The following PDCD1LG2 variants were observed in gnomAD, a reference collection of about 807,000 sequenced individuals.
PDCD1LG2 encodes B7 dendritic cell molecule.
Under a neutral mutation model 28.2 loss-of-function variants are expected in PDCD1LG2, and 32 were observed. That is an observed-to-expected ratio of 1.13 (90% CI 0.86 to 1.52). The LOEUF (loss-of-function observed/expected upper bound fraction) is 1.52. Ranked by LOEUF, PDCD1LG2 falls within the 40% of genes most tolerant of loss-of-function variation. PDCD1LG2 has a pLI of 0.00. For synonymous variants in PDCD1LG2, 116 were observed against 120.2 expected, an observed-to-expected ratio of 0.97 and a Z score of 0.23; for missense variants, 385 against 323.8, an observed-to-expected ratio of 1.19 and a Z score of -1.45.
intron 1 of PDCD1LG2, 69 bp downstream of exon 1, chr9:5,510,872 G>C (rs761119408): frequency 5.2e-5 from 8 of 152,594 alleles, no homozygotes; most frequent in Non-Finnish European, 7.3e-5. Flanking sequence ...CTGCCAGGGT[G>C]GGGGAAGGGT....
intron 1 of PDCD1LG2, among the ~76,000 whole-genome samples, chr9:5,521,827 G>A (rs1053158946): frequency 6.6e-6 from 1 of 152,170 alleles, no homozygotes; most frequent in Non-Finnish European, 1.5e-5. Flanking sequence ...TATCAGATTA[G>A]CTGTGTGCTC....
chr9:5,560,587 C>A (rs1217893182), intron 5 of PDCD1LG2, among the ~76,000 whole-genome samples: 1 of 152,206 alleles, frequency 6.6e-6, no homozygotes, highest in East Asian at 1.9e-4. Context: ...CTGCCTTAGC[C>A]ACAGCTGCAC....
chr9:5,517,880 G>A lies in PDCD1LG2; in HGVS notation c.-14-4653G>A, dbSNP rs144433917. 1.4e-4 allele frequency among the ~76,000 whole-genome samples: 21 copies of A among 152,332 alleles called. 1 individual carries two copies. In the East Asian group the frequency reaches 3.1e-3, roughly 22 times the overall value. On this transcript the variant is annotated intron_variant, in intron 1 of 6. Coordinates refer to ENST00000397747, the MANE Select transcript of PDCD1LG2 (RefSeq NM_025239.4). ...TTCACCTCAATAAGTGGAGGATGGA[G>A]CAGAGGAAGGCAAGACTAGAAGGTA...
intron 3 of PDCD1LG2, among the ~76,000 whole-genome samples, chr9:5,539,492 G>T (rs1011892670): frequency 6.6e-6 from 1 of 152,202 alleles, no homozygotes; most frequent in Admixed American, 6.5e-5. Flanking sequence ...ATAATGAAAA[G>T]AGTTAATTTC....
Position 5,569,274 on chromosome 9 carries a change from C to T in PDCD1LG2, c.817-680C>T, listed in dbSNP as rs1816725519. The stretch of plus-strand genomic sequence containing the variant: ...CATTAAGGGAAACCAGCAAGGGATA[C>T]TGAGCATGCCAGGATGCAAGAGCAG... On this transcript the variant is annotated intron_variant, in intron 6 of 6. Transcript: ENST00000397747. The surrounding 1 kb of genome is among the most constrained non-coding windows in gnomAD (Gnocchi z 4.1). 1.3e-5 allele frequency among the ~76,000 whole-genome samples: 2 copies of T among 152,122 alleles called. No individual in the cohort carries two copies. The highest frequency in any genetic ancestry group is 4.8e-5 in the African/African-American group (2 of 41,420).
chr9:5,545,137 C>T (rs984321391), intron 3 of PDCD1LG2, among the ~76,000 whole-genome samples: 3 of 152,188 alleles, frequency 2.0e-5, no homozygotes, highest in Admixed American at 6.5e-5. Flanking sequence ...GTGTTTACTA[C>T]GTTCTAGACA....
At chr9:5,562,882 C>T (rs1417324981) in intron 5 of PDCD1LG2, among the ~76,000 whole-genome samples, 1 of 152,204 alleles carries the variant, frequency 6.6e-6, no homozygotes, top group Admixed American at 6.5e-5. Context: ...CCAGACATTT[C>T]CTGGATTGAA....
At chr9:5,514,548 T>G (rs890500562) in intron 1 of PDCD1LG2, among the ~76,000 whole-genome samples, 10 of 152,276 alleles carry the variant, frequency 6.6e-5, no homozygotes, top group African/African-American at 2.4e-4. Context: ...AACTTCCTAA[T>G]GCAATTGAGT....
chr9:5,558,794 A>G (rs57174884), intron 5 of PDCD1LG2, among the ~76,000 whole-genome samples: 1,847 of 141,590 alleles, frequency 0.013, 38 homozygotes, highest in African/African-American at 0.056. Flanking sequence ...AGAAAAAGAC[A>G]GAGGGAGGGA....
chr9:5,528,386 C>T (rs1472993211), intron 2 of PDCD1LG2, among the ~76,000 whole-genome samples: 3 of 151,594 alleles, frequency 2.0e-5, no homozygotes, highest in East Asian at 3.9e-4. Flanking sequence ...ACTGCAGCCT[C>T]GATCTCTCAG....
At chr9:5,535,833 C>G (rs1672876566) in intron 3 of PDCD1LG2, among the ~76,000 whole-genome samples, 1 of 152,132 alleles carries the variant, frequency 6.6e-6, no homozygotes, top group African/African-American at 2.4e-5. Context: ...AATTGAAAAT[C>G]TAAATATAAA....
chr9:5,534,646 T>G, intron 2 of PDCD1LG2, 99 bp from the exon 3 acceptor site: 1 of 1,110,204 alleles, frequency 9.0e-7, no homozygotes, highest in Non-Finnish European at 1.3e-6. Context: ...CAGGTGCCTT[T>G]TGGAAAATGG....
chr9:5,513,950 G>A lies in PDCD1LG2; in HGVS notation c.-15+3147G>A, dbSNP rs1820108249. Among the ~76,000 whole-genome samples the A allele has an allele frequency of 2.6e-5, 4 of 152,362 alleles. No individual in the cohort carries two copies. The South Asian group carries it at 8.3e-4, about 32-fold the overall frequency. On this transcript the variant is annotated intron_variant, in intron 1 of 6. Coordinates refer to ENST00000397747, the MANE Select transcript of PDCD1LG2 (RefSeq NM_025239.4). Reference sequence around the variant, plus strand: ...GTCTTAGACACTTGGCTTCAAAACAGTGGTTAGTTCAGGTATTTCAGATCA... The same window carrying A: ...GTCTTAGACACTTGGCTTCAAAACAATGGTTAGTTCAGGTATTTCAGATCA...
rs1190119567 is a variant in PDCD1LG2, at chr9:5,555,722, A to G, written c.632-1896A>G. 2.0e-5 allele frequency among the ~76,000 whole-genome samples: 3 copies of G among 152,286 alleles called. No individual in the cohort carries two copies. In the East Asian group the frequency reaches 5.8e-4, roughly 29 times the overall value. On this transcript the variant is annotated intron_variant, in intron 4 of 6. Transcript: ENST00000397747. ...TCAAAGCTCAGTCAGTGCCAAACCC[A>G]TGTTTCAACCTTCAGAAAGTAAACG... is the stretch of plus-strand genomic sequence containing the variant.
intron 6 of PDCD1LG2, among the ~76,000 whole-genome samples, chr9:5,568,338 T>C (rs77060146): frequency 0.011 from 1,717 of 152,294 alleles, 33 homozygotes; most frequent in African/African-American, 0.039. Context: ...ACCTGAGCTC[T>C]ACCTCCTGTG....
chr9:5,561,939 TC>T (rs1347133172), intron 5 of PDCD1LG2, among the ~76,000 whole-genome samples: 2 of 152,166 alleles, frequency 1.3e-5, no homozygotes, highest in East Asian at 3.9e-4. Context: ...CAAGAGCAAT[TC>T]CTATGGGTTA....
At chr9:5,535,221 G>A (rs1239528293) in intron 3 of PDCD1LG2, among the ~76,000 whole-genome samples, 171 bp downstream of exon 3, 2 of 152,162 alleles carry the variant, frequency 1.3e-5, no homozygotes, top group Non-Finnish European at 2.9e-5. Flanking sequence ...TTTGACATCT[G>A]AGTACAAAGC....
intron 1 of PDCD1LG2, among the ~76,000 whole-genome samples, chr9:5,518,377 G>A (rs929459819): frequency 2.6e-5 from 4 of 152,246 alleles, no homozygotes; most frequent in African/African-American, 7.2e-5. Flanking sequence ...GAAGGGCAAG[G>A]AAGAAGGGGA....
At chr9:5,513,045 C>CA (rs1820090905) in intron 1 of PDCD1LG2, among the ~76,000 whole-genome samples, 1 of 152,118 alleles carries the variant, frequency 6.6e-6, no homozygotes, top group African/African-American at 2.4e-5. Context: ...GGCTGTCTAC[C>CA]AATTCCACCC....
Sources: allele counts gnomAD v4.1 joint callset (sites outside exome capture counted in the v4.1 genomes callset), GRCh38; gene constraint gnomAD v4.1.1; non-coding constraint Gnocchi (gnomAD v3.1); transcripts MANE v1.5; gene names NCBI Gene and HGNC (gene_info 2026-07-23, HGNC 2026-07-21).